MTDH: variants seen among roughly 807,000 people sequenced by gnomAD.
MTDH encodes metadherin.
Under a neutral mutation model 72.7 loss-of-function variants are expected in MTDH, and 34 were observed. That is an observed-to-expected ratio of 0.47 (90% CI 0.36 to 0.62). MTDH has a LOEUF of 0.62. Ranked by LOEUF, MTDH falls within the 20% of genes least tolerant of loss-of-function variation. The pLI is 0.00. For missense variants in MTDH, 677 were observed against 699.4 expected (o/e 0.97, Z 0.36); for synonymous variants, 266 against 268.9 (o/e 0.99, Z 0.10).
intron 2 of MTDH, among the ~76,000 whole-genome samples, chr8:97,663,138 A>G (rs1278270794): frequency 6.6e-6 from 1 of 152,064 alleles, no homozygotes; most frequent in African/African-American, 2.4e-5. Context: ...TTAGTGAGTA[A>G]TGTATACTTA....
At chr8:97,665,874 C>G (rs575427212) in intron 2 of MTDH, among the ~76,000 whole-genome samples, 87 of 152,294 alleles carry the variant, frequency 5.7e-4, no homozygotes, top group African/African-American at 1.9e-3. Context: ...CGCCTGTAAT[C>G]CCAGCACTTT....
intron 9 of MTDH, among the ~76,000 whole-genome samples, chr8:97,714,079 T>C (rs1814748769): frequency 6.6e-6 from 1 of 152,168 alleles, no homozygotes; most frequent in African/African-American, 2.4e-5. Flanking sequence ...AAAATTCCTT[T>C]TGAGTAACTG....
At chr8:97,673,579 G>A (rs1363070477) in intron 2 of MTDH, among the ~76,000 whole-genome samples, 1 of 151,664 alleles carries the variant, frequency 6.6e-6, no homozygotes, top group East Asian at 1.9e-4. Flanking sequence ...AGAATCATTT[G>A]AACCCAGGAG....
chr8:97,664,552 G>T (rs1042103666), intron 2 of MTDH, among the ~76,000 whole-genome samples: 1 of 152,104 alleles, frequency 6.6e-6, no homozygotes, highest in Non-Finnish European at 1.5e-5. Context: ...CTCATGGCTG[G>T]TGTTCTGTTT....
intron 6 of MTDH, among the ~76,000 whole-genome samples, chr8:97,692,407 G>A (rs1009132824): frequency 1.3e-5 from 2 of 150,638 alleles, no homozygotes; most frequent in Non-Finnish European, 3.0e-5. Context: ...GTCTCACTCT[G>A]TCGCTGTCAC....
chr8:97,659,099 C>T (rs867547695), intron 1 of MTDH, among the ~76,000 whole-genome samples: 10 of 151,650 alleles, frequency 6.6e-5, no homozygotes, highest in Non-Finnish European at 7.4e-5. Flanking sequence ...GCTGAGATTG[C>T]GCCACTGCAC....
intron 7 of MTDH, among the ~76,000 whole-genome samples, chr8:97,702,182 A>G (rs1171949233): frequency 1.3e-5 from 2 of 152,206 alleles, no homozygotes; most frequent in Non-Finnish European, 1.5e-5. Context: ...ACATTAATCT[A>G]TTACTATCTT....
rs777639915 is a variant in MTDH at position 97,713,656 on chromosome 8, C to T, written c.1273-6C>T. On this transcript the variant is annotated splice_region_variant and splice_polypyrimidine_tract_variant and intron_variant, in intron 8 of 11. Transcript: ENST00000336273. Reference sequence around the variant, plus strand: ...TTCTCTTTAATATTTTTGCTTTTAACCTAAGGTCTCAGATGATGATAAAGA... The same window carrying T: ...TTCTCTTTAATATTTTTGCTTTTAATCTAAGGTCTCAGATGATGATAAAGA... 6 of 1,557,254 alleles carry T rather than the reference C, an allele frequency of 3.9e-6. No individual in the cohort carries two copies. The highest frequency in any genetic ancestry group is 4.0e-5 in the Admixed American group (2 of 49,778).
intron 2 of MTDH, among the ~76,000 whole-genome samples, chr8:97,666,409 A>G (rs572572743): frequency 6.6e-6 from 1 of 152,324 alleles, no homozygotes; most frequent in East Asian, 1.9e-4. Flanking sequence ...ACATAGCTCA[A>G]TAAAGAGTTT....
chr8:97,649,403 G>T (rs560764773), intron 1 of MTDH, among the ~76,000 whole-genome samples: 2 of 152,118 alleles, frequency 1.3e-5, no homozygotes, highest in South Asian at 4.2e-4. Flanking sequence ...GCCCAACCCT[G>T]ATCATGTGAC....
rs111523165 is a variant in MTDH, at chr8:97,713,983, A to G, written c.1380+214A>G. On this transcript the variant is annotated intron_variant, in intron 9 of 11. Transcript: ENST00000336273. ...GTGTTAAAGGTGTTGCTAAACTCAAAAATAAGTAAAATTCCAAATTATTCA... is the reference window on the plus strand; with the variant it reads ...GTGTTAAAGGTGTTGCTAAACTCAAGAATAAGTAAAATTCCAAATTATTCA... Among the ~76,000 whole-genome samples, 11 of 152,366 alleles carry G rather than the reference A, an allele frequency of 7.2e-5. 1 individual carries two copies. The highest frequency in any genetic ancestry group is 2.6e-4 in the African/African-American group (11 of 41,594).
Position 97,728,318 on chromosome 8 carries a change from T to C in MTDH, c.*3648T>C, listed in dbSNP as rs983049945. The C allele has an allele frequency of 2.0e-5, 3 of 152,214 alleles. No homozygotes were observed. The highest frequency in any genetic ancestry group is 7.2e-5 in the African/African-American group (3 of 41,466). 9.4% of individuals were successfully genotyped at this position (152,214 alleles called of 1,614,324 possible). On this transcript the variant is annotated 3_prime_UTR_variant, in exon 12 of 12. Transcript: ENST00000336273. ...TGTGGGGAGGGACTTTGTCAGTCAT[T>C]TTGCATCTTAAGCTAGACTAAACTT...
chr8:97,696,972 A>G (rs918616409), intron 6 of MTDH, among the ~76,000 whole-genome samples: 19 of 150,682 alleles, frequency 1.3e-4, no homozygotes, highest in African/African-American at 4.6e-4. Context: ...TTAGCCAGGC[A>G]TGGTGGTATT....
intron 1 of MTDH, among the ~76,000 whole-genome samples, chr8:97,657,862 G>C (rs1812039272): frequency 6.6e-6 from 1 of 152,110 alleles, no homozygotes; most frequent in South Asian, 2.1e-4. Context: ...AGACACATTG[G>C]ATTTGAAGTT....
At chr8:97,684,786 T>TAA (rs1813290213) in intron 2 of MTDH, among the ~76,000 whole-genome samples, 1 of 152,144 alleles carries the variant, frequency 6.6e-6, no homozygotes, top group African/African-American at 2.4e-5. Context: ...AAATAATAAT[T>TAA]TTGAGGCTGG....
At chr8:97,716,468 T>G (rs1814876839) in intron 9 of MTDH, among the ~76,000 whole-genome samples, 1 of 151,830 alleles carries the variant, frequency 6.6e-6, no homozygotes. Context: ...GGCGGGTGGA[T>G]CACAAGGTCA....
At chr8:97,676,094 C>A (rs985334394) in intron 2 of MTDH, among the ~76,000 whole-genome samples, 1 of 151,948 alleles carries the variant, frequency 6.6e-6, no homozygotes, top group Non-Finnish European at 1.5e-5. Flanking sequence ...CGTGCACCAC[C>A]ATGCCTGGTT....
In MTDH at chr8:97,706,700, G is replaced by C. The variant is rs373521603; in HGVS notation, c.1222G>C (p.Glu408Gln). 8 of 1,613,834 alleles carry C rather than the reference G, an allele frequency of 5.0e-6. No individual in the cohort carries two copies. Among genetic ancestry groups the C allele is most frequent in the Non-Finnish European group, 6.8e-6 (8 of 1,179,910 alleles). The change falls in exon 8 of 12, where the codon GAA (glutamate) becomes CAA (glutamine). Residue 408 changes from glutamate (E) to glutamine (Q), a missense_variant. This residue lies in a region of MTDH where 201 missense variants were observed against 204.5 expected (regional missense o/e 0.98). Coordinates refer to ENST00000336273, the MANE Select transcript of MTDH (RefSeq NM_178812.4). ...AGAGTGGGGCAATTGGGTAGACGAA[G>C]AAAGAGCTTCACTTCTAAAGTCCCA... ...AEEWGNWVDE[E>Q]RASLLKSQEP...
In MTDH at chr8:97,696,392, A is replaced by G. The variant is rs116077865; in HGVS notation, c.1049-3362A>G. 819 of 466,386 alleles carry G rather than the reference A, an allele frequency of 1.8e-3. 8 individuals are homozygous for G. The highest frequency in any genetic ancestry group is 0.016 in the African/African-American group (755 of 47,366). 28.9% of individuals were successfully genotyped at this position (466,386 alleles called of 1,614,324 possible). On this transcript the variant is annotated intron_variant, in intron 6 of 11. Transcript: ENST00000336273. ...TAATCAACATCAAGTACTGCTATCA[A>G]TATAAATAGCAGGTATTATAAAGTG...
Sources: allele counts gnomAD v4.1 joint callset (sites outside exome capture counted in the v4.1 genomes callset), GRCh38; gene constraint gnomAD v4.1.1; regional missense constraint gnomAD v4.1.1; transcripts MANE v1.5; gene names NCBI Gene and HGNC (gene_info 2026-07-23, HGNC 2026-07-21).